Variants in PARD3 observed in about 807,000 individuals in gnomAD.
The protein encoded by PARD3 is par-3 family cell polarity regulator.
In PARD3, 75 loss-of-function variants were observed where a neutral mutation model predicts 155.4. The ratio of observed to expected loss-of-function variants is 0.48; its 90% CI spans 0.40 to 0.58. The LOEUF (loss-of-function observed/expected upper bound fraction) is 0.58, where lower values mean the gene tolerates loss of function less well. Among genes scored for constraint, PARD3 ranks in the 20% least tolerant of loss-of-function variants. The probability of loss-of-function intolerance (pLI) is 0.00; values close to 1 mark genes in which losing one functional copy is unlikely to be tolerated. For missense variants in PARD3, 1,642 were observed against 1,721.7 expected (o/e 0.95, Z 0.82); for synonymous variants, 576 against 610.5 (o/e 0.94, Z 0.83).
intron 20 of PARD3, among the ~76,000 whole-genome samples, chr10:34,295,087 CA>C (rs138979105): frequency 6.6e-6 from 1 of 151,572 alleles, no homozygotes; most frequent in Non-Finnish European, 1.5e-5. Context: ...GGCGAGCCAC[CA>C]AAAAAAATGT....
chr10:34,362,335 G>A (rs1477594666), intron 12 of PARD3, among the ~76,000 whole-genome samples: 1 of 151,884 alleles, frequency 6.6e-6, no homozygotes, highest in African/African-American at 2.4e-5. Context: ...TATTCCCAGA[G>A]AACAATTTTA....
intron 2 of PARD3, among the ~76,000 whole-genome samples, chr10:34,628,568 A>G (rs1158772026): frequency 6.6e-6 from 1 of 152,250 alleles, no homozygotes; most frequent in Non-Finnish European, 1.5e-5. Flanking sequence ...CTGTGCTCCA[A>G]TAACAGAGCT....
chr10:34,131,280 T>C (rs978443855), intron 23 of PARD3, among the ~76,000 whole-genome samples, 183 bp downstream of exon 23: 1 of 152,166 alleles, frequency 6.6e-6, no homozygotes, highest in Non-Finnish European at 1.5e-5. Context: ...TGGAACAAGA[T>C]ATAAAATGAA....
intron 2 of PARD3, among the ~76,000 whole-genome samples, chr10:34,565,477 T>C (rs1590040483): frequency 6.6e-6 from 1 of 151,646 alleles, no homozygotes; most frequent in Non-Finnish European, 1.5e-5. Flanking sequence ...ATGTTGGCCA[T>C]ACTGGTCTCG....
Position 34,250,668 on chromosome 10 carries a change from T to TA in PARD3, c.3419+18988dup, listed in dbSNP as rs370194034. Among the ~76,000 whole-genome samples, 374 of 141,468 alleles carry TA rather than the reference T, an allele frequency of 2.6e-3. 2 individuals carry two copies. Among genetic ancestry groups the TA allele is most frequent in the Middle Eastern group, 0.026 (7 of 270 alleles). The allele number at this position is 141,468 out of a possible 152,430, so 92.8% of individuals were successfully genotyped here. ...TTGTTTATCATTTCCAAGCTGGAAA[T>TA]AAAAAAAAAAAAATCACTCAAGATG... is the stretch of plus-strand genomic sequence containing the variant. On this transcript the variant is annotated intron_variant, in intron 22 of 24. Transcript: ENST00000374788.
At chr10:34,471,152 A>G (rs767332299) in intron 3 of PARD3, among the ~76,000 whole-genome samples, 8 of 152,366 alleles carry the variant, frequency 5.3e-5, no homozygotes, top group Non-Finnish European at 5.9e-5. Context: ...GAAAATACTC[A>G]AAGTAATATG....
At chr10:34,652,789 T>G (rs569197528) in intron 2 of PARD3, among the ~76,000 whole-genome samples, 1 of 152,336 alleles carries the variant, frequency 6.6e-6, no homozygotes, top group African/African-American at 2.4e-5. Context: ...CAAGGCAGAC[T>G]GCAACCATAA....
At chr10:34,326,309 G>A (rs918351720) in intron 19 of PARD3, among the ~76,000 whole-genome samples, 1 of 151,988 alleles carries the variant, frequency 6.6e-6, no homozygotes, top group Non-Finnish European at 1.5e-5. Context: ...AAAATTAATC[G>A]AAGCTCCCTT....
intron 7 of PARD3, among the ~76,000 whole-genome samples, chr10:34,395,379 A>C (rs1038129498): frequency 6.6e-6 from 1 of 152,190 alleles, no homozygotes; most frequent in African/African-American, 2.4e-5. Flanking sequence ...GATATGGATG[A>C]AATAAAAATT....
intron 1 of PARD3, among the ~76,000 whole-genome samples, chr10:34,787,631 C>T (rs1369817274): frequency 6.6e-6 from 1 of 152,110 alleles, no homozygotes. Flanking sequence ...GAAGCAATCC[C>T]TGAAGACTGA....
intron 15 of PARD3, among the ~76,000 whole-genome samples, chr10:34,347,393 T>C (rs930572582): frequency 6.6e-6 from 1 of 152,252 alleles, no homozygotes; most frequent in African/African-American, 2.4e-5. Context: ...AGGATGGTAC[T>C]GAATCCAAAC....
At chr10:34,446,984 A>G (rs1015501498) in intron 5 of PARD3, among the ~76,000 whole-genome samples, 1 of 152,148 alleles carries the variant, frequency 6.6e-6, no homozygotes, top group African/African-American at 2.4e-5. Flanking sequence ...TTAAAAATTA[A>G]TAAAGCAACT....
chr10:34,697,865 G>A (rs2133498635), intron 1 of PARD3, among the ~76,000 whole-genome samples: 1 of 151,796 alleles, frequency 6.6e-6, no homozygotes, highest in Admixed American at 6.6e-5. Flanking sequence ...TCATCCAGGA[G>A]TCCCTGGGAC....
chr10:34,272,756 AC>A (rs1431630701), intron 21 of PARD3, among the ~76,000 whole-genome samples: 1 of 152,134 alleles, frequency 6.6e-6, no homozygotes, highest in Non-Finnish European at 1.5e-5. Context: ...AAACAAAAAA[AC>A]AAACAAACCC....
chr10:34,355,011 G>A (rs1340517462), intron 14 of PARD3, among the ~76,000 whole-genome samples: 1 of 152,196 alleles, frequency 6.6e-6, no homozygotes, highest in Admixed American at 6.5e-5. Flanking sequence ...TCAGGCAGTG[G>A]GAGAGGGGAA....
chr10:34,379,931 C>T (rs1365667541), intron 9 of PARD3, among the ~76,000 whole-genome samples: 1 of 152,026 alleles, frequency 6.6e-6, no homozygotes, highest in Non-Finnish European at 1.5e-5. Flanking sequence ...ATTATACTGA[C>T]ATCTTTTTTT....
At position 34,740,118 on chromosome 10, in the gene PARD3, C is replaced by T. The variant is rs371589394; in HGVS notation, c.121-43699G>A. On this transcript the variant is annotated intron_variant, in intron 1 of 24. Coordinates refer to ENST00000374788, the MANE Select transcript of PARD3 (RefSeq NM_001184785.2). The stretch of plus-strand genomic sequence containing the variant: ...GCTGGTGAGAGCCTCCCGTCCCCAC[C>T]CCAAGAGGAGAAAGGGAGGAAACCT... Among the ~76,000 whole-genome samples, 45 of 152,294 alleles carry T rather than the reference C, an allele frequency of 3.0e-4. 1 individual carries two copies. The South Asian group carries it at 8.3e-3, about 28-fold the overall frequency.
intron 2 of PARD3, among the ~76,000 whole-genome samples, chr10:34,555,876 C>T (rs961181277): frequency 6.6e-6 from 1 of 152,128 alleles, no homozygotes; most frequent in Admixed American, 6.6e-5. Context: ...CACCCTGCAC[C>T]ACCTCCTTCT....
intron 22 of PARD3, among the ~76,000 whole-genome samples, chr10:34,236,806 T>C (rs1953262718): frequency 1.3e-5 from 2 of 152,164 alleles, no homozygotes; most frequent in African/African-American, 4.8e-5. Context: ...TATTCTCCAA[T>C]AAGTCTGGAT....
Sources: allele counts gnomAD v4.1 joint callset (sites outside exome capture counted in the v4.1 genomes callset), GRCh38; gene constraint gnomAD v4.1.1; transcripts MANE v1.5; gene names NCBI Gene and HGNC (gene_info 2026-07-23, HGNC 2026-07-21).